The following RAPGEF3 variants were observed in gnomAD, a reference collection of about 807,000 sequenced individuals.
RAPGEF3 encodes the protein 9330170P05Rik.
RAPGEF3 carries 103 observed loss-of-function variants against 129.8 expected under a neutral mutation model. That is an observed-to-expected ratio of 0.79 (90% confidence interval 0.68 to 0.93). RAPGEF3 has a LOEUF of 0.93. Among genes scored for constraint, RAPGEF3 ranks in the 40% least tolerant of loss-of-function variants. The pLI, the probability that RAPGEF3 is intolerant of heterozygous loss-of-function variation, is 0.00. For missense variants in RAPGEF3, 1,117 were observed against 1,207.4 expected (o/e 0.93, Z 1.11); for synonymous variants, 436 against 482.6 (o/e 0.90, Z 1.26).
intron 2 of RAPGEF3, chr12:47,756,306 T>C (rs1044202049): frequency 1.3e-5 from 2 of 152,194 alleles, no homozygotes; most frequent in Non-Finnish European, 2.9e-5. Flanking sequence ...CCTACCTTGC[T>C]TCCACAAGCT....
chr12:47,737,761 T>C, intron 27 of RAPGEF3, 76 bp from the exon 28 acceptor site: 1 of 1,379,800 alleles, frequency 7.2e-7, no homozygotes, highest in South Asian at 1.2e-5. Flanking sequence ...AGGAGCCATA[T>C]CACATCTGCC....
At position 47,734,696 on chromosome 12, in the gene RAPGEF3, G is replaced by C. The variant is rs1332690427; in HGVS notation, c.*2871C>G. ...TCAAGTCTTAACCTATTATTATCAT[G>C]GTAAATCTTGTGACTATTGGGAAGG... On this transcript the variant is annotated 3_prime_UTR_variant, in exon 28 of 28. Coordinates refer to ENST00000449771, the MANE Select transcript of RAPGEF3 (RefSeq NM_001098531.4). 6.6e-6 allele frequency: 1 copy of C among 152,262 alleles called. No individual in the cohort carries two copies. Among genetic ancestry groups the C allele is most frequent in the Non-Finnish European group, 1.5e-5 (1 of 68,050 alleles). The allele number at this position is 152,262 out of a possible 1,614,324, so 9.4% of individuals were successfully genotyped here. A position where few individuals can be genotyped will look rare whatever the true frequency, so the allele number is the denominator to read the frequency against.
At chr12:47,738,118 G>A (rs543289556) in intron 26 of RAPGEF3, 25 bp from the exon 27 acceptor site, 2 of 1,614,014 alleles carry the variant, frequency 1.2e-6, no homozygotes, top group East Asian at 4.5e-5. Flanking sequence ...AGGGGTCATG[G>A]AGTCAGGGCC....
Position 47,737,654 on chromosome 12 carries a change from T to C in RAPGEF3, c.2685A>G (p.Pro895=). The change falls in exon 28 of 28, where the codon CCA becomes CCG. Residue 895 remains proline (P), a synonymous_variant. Transcript: ENST00000449771. ...CSEQSLSTRS[P]ASTWAYVQQL... ...GCTGGACATAAGCCCAGGTGCTGGC[T>C]GGACTCCGGGTGCTCAGGGACTGCT... is the stretch of plus-strand genomic sequence containing the variant. 6.2e-7 allele frequency: 1 copy of C among 1,613,240 alleles called. No homozygotes were observed. Among genetic ancestry groups the C allele is most frequent in the Non-Finnish European group, 8.5e-7 (1 of 1,179,898 alleles).
At chr12:47,740,120 C>A in intron 23 of RAPGEF3, 21 bp downstream of exon 23, 1 of 1,609,698 alleles carries the variant, frequency 6.2e-7, no homozygotes, top group South Asian at 1.1e-5. Context: ...AGAGCCAGGC[C>A]GGGCAGGGTG....
At chr12:47,750,053 G>A (rs986895628) in intron 7 of RAPGEF3, 63 bp from the exon 8 acceptor site, 9 of 1,589,678 alleles carry the variant, frequency 5.7e-6, no homozygotes, top group African/African-American at 2.7e-5. Context: ...CCAGGCTTTT[G>A]CTAGGGGTGT....
intron 17 of RAPGEF3, 65 bp from the exon 18 acceptor site, chr12:47,743,741 G>T (rs928547240): frequency 8.9e-6 from 14 of 1,565,316 alleles, no homozygotes; most frequent in South Asian, 1.2e-5. Context: ...GAGGGAGAGG[G>T]CGGCTATTGC....
intron 4 of RAPGEF3, 77 bp from the exon 5 acceptor site, chr12:47,751,597 C>A: frequency 2.5e-6 from 4 of 1,602,348 alleles, no homozygotes; most frequent in Non-Finnish European, 3.4e-6. Flanking sequence ...TAGAAAGGCA[C>A]CCTCTGAGGC....
intron 19 of RAPGEF3, 24 bp from the exon 20 acceptor site, chr12:47,741,064 G>A (rs773140672): frequency 2.5e-6 from 4 of 1,609,382 alleles, no homozygotes; most frequent in African/African-American, 1.3e-5. Flanking sequence ...AGTGCTCAGG[G>A]GGCTGCCTGA....
rs756400254 is a variant in RAPGEF3 at position 47,738,183 on chromosome 12, G to T, written c.2581+10C>A. On this transcript the variant is annotated intron_variant, in intron 26 of 27. Transcript: ENST00000449771. ...GGGGGACCTCCCACCCCGGGGACCC[G>T]CCCTCTCACCAGGGTTGTGGCTTCG... 2.6e-6 allele frequency: 4 copies of T among 1,540,918 alleles called. No individual in the cohort carries two copies. The East Asian group carries it at 9.3e-5, about 36-fold the overall frequency.
chr12:47,737,536 T>A lies in RAPGEF3; in HGVS notation c.*31A>T, dbSNP rs1592529130. The A allele has an allele frequency of 6.3e-7, 1 of 1,594,572 alleles. No individual in the cohort carries two copies. Among genetic ancestry groups the A allele is most frequent in the East Asian group, 2.2e-5 (1 of 44,602 alleles). ...ACACCCTGGCTTTCCCGGCTGCAAG[T>A]GCCTGCTCCAGCTCCAGTCCCAGCC... On this transcript the variant is annotated 3_prime_UTR_variant, in exon 28 of 28. Coordinates refer to ENST00000449771, the MANE Select transcript of RAPGEF3 (RefSeq NM_001098531.4).
chr12:47,758,787 C>T lies in RAPGEF3; in HGVS notation c.-231G>A. 1 of 1,229,488 alleles carries T rather than the reference C, an allele frequency of 8.1e-7. No homozygotes were observed. The highest frequency in any genetic ancestry group is 3.2e-5 in the East Asian group (1 of 30,940). The allele number at this position is 1,229,488 out of a possible 1,614,324, so 76.2% of individuals were successfully genotyped here. On this transcript the variant is annotated 5_prime_UTR_variant, in exon 1 of 28. Transcript: ENST00000449771. ...GGGGTGGGGGCGTGGTGGGGGGACG[C>T]CACCCAGCCACCGGCGACAGGGAGC...
intron 6 of RAPGEF3, 104 bp downstream of exon 6, chr12:47,750,944 C>T (rs1439311922): frequency 2.7e-6 from 4 of 1,494,640 alleles, no homozygotes; most frequent in Non-Finnish European, 3.6e-6. Flanking sequence ...GTTCCCTTCC[C>T]TCCACAACAG....
chr12:47,746,860 C>T lies in RAPGEF3; in HGVS notation c.1596G>A (p.Lys532=), dbSNP rs1337950473. 6.3e-7 allele frequency: 1 copy of T among 1,594,140 alleles called. No homozygotes were observed. The highest frequency in any genetic ancestry group is 1.7e-4 in the Middle Eastern group (1 of 6,008). The part of the protein sequence containing the change: ...NGCGNASPQM[K]ARNLPVWLPN... ...AAAGAAACTGGGGCCAGGCAGACAC[C>T]TTCATCTGAGGAGATGCATTCCCAC... The change falls in exon 16 of 28, where the codon AAG becomes AAA. Residue 532 remains lysine, a splice_region_variant and synonymous_variant. Coordinates refer to ENST00000449771, the MANE Select transcript of RAPGEF3 (RefSeq NM_001098531.4).
chr12:47,737,993 C>CG, intron 27 of RAPGEF3, 29 bp downstream of exon 27: 3 of 1,585,860 alleles, frequency 1.9e-6, no homozygotes, highest in Non-Finnish European at 2.6e-6. Context: ...CACCCCCTCC[C>CG]TGCCCACCCA....
intron 2 of RAPGEF3, among the ~76,000 whole-genome samples, chr12:47,754,675 A>G (rs1941949351): frequency 6.6e-6 from 1 of 152,220 alleles, no homozygotes; most frequent in Non-Finnish European, 1.5e-5. Flanking sequence ...GTAACTACTT[A>G]GTAAGTTTAG....
chr12:47,739,167 G>A lies in RAPGEF3; in HGVS notation c.2437C>T (p.Pro813Ser). ...CCTTTGAGAAGAAGGGGCATGAAGG[G>A]GATGACAGGAGGGGAGAGCTTGGCG... ...ALAKLSPPVIPFMPLLLKDMT... is the reference protein window; with the variant it reads ...ALAKLSPPVISFMPLLLKDMT... Residue 813 changes from proline to serine, a missense_variant, in exon 24 of 28, where the codon CCC becomes TCC. Transcript: ENST00000449771. 3 of 1,606,110 alleles carry A rather than the reference G, an allele frequency of 1.9e-6. No individual in the cohort carries two copies. Among genetic ancestry groups the A allele is most frequent in the Non-Finnish European group, 2.6e-6 (3 of 1,176,408 alleles).
intron 4 of RAPGEF3, 74 bp from the exon 5 acceptor site, chr12:47,751,594 G>A (rs1398503544): frequency 6.2e-7 from 1 of 1,604,536 alleles, no homozygotes; most frequent in Non-Finnish European, 8.5e-7. Flanking sequence ...CATTAGAAAG[G>A]CACCCTCTGA....
At position 47,749,668 on chromosome 12, in the gene RAPGEF3, A is replaced by T; in HGVS notation, c.894+73T>A. The stretch of plus-strand genomic sequence containing the variant: ...TCAGCAGCAGTAGATCAACAAAGGC[A>T]CTGCCCATGAGGACATGGACCAGGG... On this transcript the variant is annotated intron_variant, in intron 9 of 27. Coordinates refer to ENST00000449771, the MANE Select transcript of RAPGEF3 (RefSeq NM_001098531.4). This position sits in a 1 kb window ranked among gnomAD's most constrained non-coding sequence, Gnocchi z 4.5. The T allele has an allele frequency of 3.8e-6, 6 of 1,595,296 alleles. No individual in the cohort carries two copies. Among genetic ancestry groups the T allele is most frequent in the Non-Finnish European group, 5.1e-6 (6 of 1,166,560 alleles).
Sources: gnomAD v4.1 joint callset for allele counts (sites outside exome capture counted in the v4.1 genomes callset) on GRCh38, gnomAD v4.1.1 for gene constraint, Gnocchi (gnomAD v3.1) non-coding constraint, MANE v1.5 for transcripts, NCBI Gene and HGNC (gene_info 2026-07-23, HGNC 2026-07-21) for gene names.